Variants in TBC1D22A observed in about 807,000 individuals in gnomAD.
TBC1D22A encodes TBC1 domain family member 22A, also known as putative GTPase activator.
Under a neutral mutation model 60.2 loss-of-function variants are expected in TBC1D22A, and 38 were observed. The ratio of observed to expected loss-of-function variants is 0.63; its 90% CI spans 0.49 to 0.83. The LOEUF (loss-of-function observed/expected upper bound fraction) is 0.83, where lower values mean the gene tolerates loss of function less well. Among genes scored for constraint, TBC1D22A ranks in the 40% least tolerant of loss-of-function variants. The pLI, the probability that TBC1D22A is intolerant of heterozygous loss-of-function variation, is 0.00. For missense variants in TBC1D22A, 628 were observed against 701.0 expected, an observed-to-expected ratio of 0.90 and a Z score of 1.18; for synonymous variants, 302 against 281.7, an observed-to-expected ratio of 1.07 and a Z score of -0.72.
At chr22:46,836,608 G>C (rs2086533240) in intron 4 of TBC1D22A, among the ~76,000 whole-genome samples, 2 of 151,892 alleles carry the variant, frequency 1.3e-5, no homozygotes, top group South Asian at 4.2e-4. Flanking sequence ...CAACAACCTG[G>C]CCATAGTTAA....
chr22:47,126,424 G>A (rs1244594261), intron 12 of TBC1D22A, among the ~76,000 whole-genome samples: 1 of 152,214 alleles, frequency 6.6e-6, no homozygotes, highest in Non-Finnish European at 1.5e-5. Flanking sequence ...TTGTAACTGG[G>A]TGGAGGCCAG....
chr22:47,132,461 A>G (rs1012312767), intron 12 of TBC1D22A, among the ~76,000 whole-genome samples: 2 of 152,194 alleles, frequency 1.3e-5, no homozygotes, highest in Non-Finnish European at 2.9e-5. Context: ...GACCATGGGC[A>G]CATGCCCGCT....
intron 4 of TBC1D22A, among the ~76,000 whole-genome samples, chr22:46,821,757 A>G (rs1016776204): frequency 2.0e-5 from 3 of 151,930 alleles, no homozygotes; most frequent in African/African-American, 4.8e-5. Flanking sequence ...TGTTCTCTGT[A>G]TTTCCCGAAT....
chr22:47,150,725 C>T (rs1289636533), intron 12 of TBC1D22A, among the ~76,000 whole-genome samples: 1 of 152,182 alleles, frequency 6.6e-6, no homozygotes, highest in East Asian at 1.9e-4. Context: ...GTCTCCCCAG[C>T]CCCCTTCTGA....
chr22:47,031,846 TCTC>T (rs1236044700), intron 10 of TBC1D22A, among the ~76,000 whole-genome samples: 2 of 152,048 alleles, frequency 1.3e-5, no homozygotes, highest in East Asian at 1.9e-4. Flanking sequence ...ACGGGCTCCT[TCTC>T]CTCAAGTCAG....
intron 1 of TBC1D22A, among the ~76,000 whole-genome samples, chr22:46,765,133 C>T (rs1334173203): frequency 6.6e-6 from 1 of 152,154 alleles, no homozygotes; most frequent in Non-Finnish European, 1.5e-5. Flanking sequence ...TTGGAGAGTT[C>T]GAGGCTGTCA....
rs376649304 is a variant in TBC1D22A at position 46,999,637 on chromosome 22, G to A, written c.1201+1928G>A. Among the ~76,000 whole-genome samples the A allele has an allele frequency of 4.6e-5, 7 of 152,264 alleles. No individual in the cohort carries two copies. In the South Asian group the frequency reaches 1.0e-3, roughly 23 times the overall value. ...CCTGTTTCATCACTTGCCTCCTAGAGAAAGGATTTGTGGGTTGGAACTTTT... is the reference window on the plus strand; with the variant it reads ...CCTGTTTCATCACTTGCCTCCTAGAAAAAGGATTTGTGGGTTGGAACTTTT... On this transcript the variant is annotated intron_variant, in intron 10 of 12. Coordinates refer to ENST00000337137, the MANE Select transcript of TBC1D22A (RefSeq NM_014346.5).
intron 12 of TBC1D22A, among the ~76,000 whole-genome samples, chr22:47,168,881 G>A (rs952426459): frequency 1.3e-5 from 2 of 152,192 alleles, no homozygotes; most frequent in African/African-American, 4.8e-5. Context: ...GCTCTTCAGT[G>A]TCAGGAGCCT....
intron 11 of TBC1D22A, among the ~76,000 whole-genome samples, chr22:47,074,840 C>T (rs1384088893): frequency 1.3e-5 from 2 of 152,196 alleles, no homozygotes; most frequent in African/African-American, 4.8e-5. Context: ...TCCTTTTCAT[C>T]CAGCCTCATT....
rs1225854468 is a variant in TBC1D22A, at chr22:47,070,106, G to A, written c.1329+32908G>A. The stretch of plus-strand genomic sequence containing the variant: ...TGTCCCCTGTTGTTTGGTTGGAGCG[G>A]AGCTGACTTGATGGTTCGAGACTGT... On this transcript the variant is annotated intron_variant, in intron 11 of 12. Transcript: ENST00000337137. Among the ~76,000 whole-genome samples, 3 of 138,254 alleles carry A rather than the reference G, an allele frequency of 2.2e-5. 1 individual carries two copies. The highest frequency in any genetic ancestry group is 8.9e-5 in the African/African-American group (3 of 33,738). 90.7% of individuals were successfully genotyped at this position (138,254 alleles called of 152,430 possible). A position where few individuals can be genotyped will look rare whatever the true frequency, so the allele number is the denominator to read the frequency against.
intron 10 of TBC1D22A, among the ~76,000 whole-genome samples, chr22:47,005,402 A>G (rs2061552953): frequency 1.3e-5 from 2 of 150,996 alleles, no homozygotes; most frequent in South Asian, 2.1e-4. Context: ...GCACGCACCA[A>G]TACACATATA....
intron 7 of TBC1D22A, among the ~76,000 whole-genome samples, chr22:46,909,692 C>G (rs2069760446): frequency 6.6e-6 from 1 of 152,232 alleles, no homozygotes; most frequent in African/African-American, 2.4e-5. Context: ...TCCCCTCTGC[C>G]CCCTGCTCCT....
chr22:46,872,812 G>A (rs1287621391), intron 4 of TBC1D22A, among the ~76,000 whole-genome samples: 2 of 152,210 alleles, frequency 1.3e-5, no homozygotes, highest in Admixed American at 1.3e-4. Context: ...GTCCTTAGCT[G>A]AGTATTGATC....
chr22:46,993,115 G>A (rs1362932134), intron 9 of TBC1D22A, among the ~76,000 whole-genome samples: 1 of 152,194 alleles, frequency 6.6e-6, no homozygotes, highest in African/African-American at 2.4e-5. Flanking sequence ...TGGCAGGTTT[G>A]ACTCTGGGTA....
chr22:47,168,060 G>C (rs1457254969), intron 12 of TBC1D22A, among the ~76,000 whole-genome samples: 1 of 152,246 alleles, frequency 6.6e-6, no homozygotes, highest in Non-Finnish European at 1.5e-5. Flanking sequence ...TGCAGGGCTG[G>C]GATTTGAACG....
chr22:46,989,866 G>A (rs943182369), intron 9 of TBC1D22A, among the ~76,000 whole-genome samples: 2 of 151,774 alleles, frequency 1.3e-5, no homozygotes, highest in Non-Finnish European at 2.9e-5. Context: ...GCAGTGATGC[G>A]ATCTCAGCTC....
At chr22:47,147,786 G>A (rs2067341958) in intron 12 of TBC1D22A, among the ~76,000 whole-genome samples, 1 of 152,246 alleles carries the variant, frequency 6.6e-6, no homozygotes, top group African/African-American at 2.4e-5. Flanking sequence ...CTGTCTGCGG[G>A]GAGCTGTGCC....
intron 10 of TBC1D22A, among the ~76,000 whole-genome samples, chr22:47,013,878 C>T (rs2061826202): frequency 6.6e-6 from 1 of 152,206 alleles, no homozygotes. Context: ...GTCACCTAGG[C>T]CTCCCTCTGC....
At chr22:46,941,894 A>ATG (rs1288956655) in intron 8 of TBC1D22A, among the ~76,000 whole-genome samples, 23 of 145,000 alleles carry the variant, frequency 1.6e-4, no homozygotes, top group African/African-American at 4.9e-4. Flanking sequence ...TATAGAATAT[A>ATG]TGTATATAGA....
Sources: gnomAD v4.1 joint callset for allele counts (sites outside exome capture counted in the v4.1 genomes callset) on GRCh38, gnomAD v4.1.1 for gene constraint, MANE v1.5 for transcripts, NCBI Gene and HGNC (gene_info 2026-07-23, HGNC 2026-07-21) for gene names.